DDX10: variants seen among roughly 807,000 people sequenced by gnomAD.
The protein encoded by DDX10 is probable ATP-dependent RNA helicase DDX10.
Under a neutral mutation model 104.3 loss-of-function variants are expected in DDX10, and 74 were observed. That is an observed-to-expected ratio of 0.71 (90% CI 0.59 to 0.86). DDX10 has a LOEUF of 0.86. DDX10 is among the 40% of genes least tolerant of loss of function. The probability of loss-of-function intolerance (pLI) is 0.00; values close to 1 mark genes in which losing one functional copy is unlikely to be tolerated. For missense variants in DDX10, 952 were observed against 1,040.0 expected (o/e 0.92, Z 1.16); for synonymous variants, 351 against 353.4 (o/e 0.99, Z 0.08).
Position 108,910,261 on chromosome 11 carries a change from T to C in DDX10, c.2305-7612T>C, listed in dbSNP as rs527250846. On this transcript the variant is annotated intron_variant, in intron 16 of 17. Coordinates refer to ENST00000322536, the MANE Select transcript of DDX10 (RefSeq NM_004398.4). ...TGATGAGATTTGAGATTCAGGGTGA[T>C]GTAGGAGAAAACCCCTTGTGTATGT... Among the ~76,000 whole-genome samples, 10 of 152,344 alleles carry C rather than the reference T, an allele frequency of 6.6e-5. No homozygotes were observed. The South Asian group carries it at 2.1e-3, about 32-fold the overall frequency.
At chr11:108,817,489 G>A (rs968902994) in intron 13 of DDX10, among the ~76,000 whole-genome samples, 1 of 151,828 alleles carries the variant, frequency 6.6e-6, no homozygotes, top group Non-Finnish European at 1.5e-5. Context: ...TTCTAAAATT[G>A]TTACCTTCTG....
rs568130506 is a variant in DDX10 at position 108,682,895 on chromosome 11, A to G, written c.848+3335A>G. 1.8e-4 allele frequency among the ~76,000 whole-genome samples: 28 copies of G among 151,644 alleles called. 1 individual carries two copies. In the South Asian group the frequency reaches 5.8e-3, roughly 32 times the overall value. On this transcript the variant is annotated intron_variant, in intron 6 of 17. Coordinates refer to ENST00000322536, the MANE Select transcript of DDX10 (RefSeq NM_004398.4). ...TCTTGGCAGTTTTTTTTTCCTCTTCAAAGACATCTTTGTTGTACTCTAAGT... is the reference window on the plus strand; with the variant it reads ...TCTTGGCAGTTTTTTTTTCCTCTTCGAAGACATCTTTGTTGTACTCTAAGT...
intron 1 of DDX10, among the ~76,000 whole-genome samples, chr11:108,670,013 A>C (rs1398420700): frequency 3.3e-5 from 5 of 152,212 alleles, no homozygotes; most frequent in Non-Finnish European, 5.9e-5. Context: ...CTCTAAGGTA[A>C]TATATTTGTG....
chr11:108,833,719 T>C (rs185802964), intron 13 of DDX10, among the ~76,000 whole-genome samples: 2 of 152,356 alleles, frequency 1.3e-5, no homozygotes, highest in East Asian at 3.9e-4. Context: ...GCTCTTCAAC[T>C]TGACCACCTC....
rs1369454674 is a variant in DDX10 at position 108,917,820 on chromosome 11, T to C, written c.2305-53T>C. ...ATTGGGGTCTGCAAATAAAACCTGA[T>C]TATTTATCAACTGACTTCTTCAACT... On this transcript the variant is annotated intron_variant, in intron 16 of 17. Coordinates refer to ENST00000322536, the MANE Select transcript of DDX10 (RefSeq NM_004398.4). 3 of 1,586,142 alleles carry C rather than the reference T, an allele frequency of 1.9e-6. No individual in the cohort carries two copies. In the African/African-American group the frequency reaches 4.1e-5, roughly 22 times the overall value.
At chr11:108,860,992 G>A (rs1241773642) in intron 16 of DDX10, 1 of 152,154 alleles carries the variant, frequency 6.6e-6, no homozygotes, top group Non-Finnish European at 1.5e-5. Context: ...ATACTACTGA[G>A]TGTCAACTTG....
chr11:108,670,391 C>T (rs950724297), intron 1 of DDX10, among the ~76,000 whole-genome samples: 2 of 152,142 alleles, frequency 1.3e-5, no homozygotes, highest in Non-Finnish European at 2.9e-5. Context: ...TAGGAAGAGT[C>T]TCAGACTGCA....
At chr11:108,861,924 G>A (rs978277637) in intron 16 of DDX10, among the ~76,000 whole-genome samples, 6 of 152,152 alleles carry the variant, frequency 3.9e-5, no homozygotes, top group Non-Finnish European at 8.8e-5. Flanking sequence ...TACTTGGGAA[G>A]GCTGAGGCAG....
In DDX10 at chr11:108,861,487, C is replaced by T. The variant is rs562954189; in HGVS notation, c.2304+9278C>T. On this transcript the variant is annotated intron_variant, in intron 16 of 17. Coordinates refer to ENST00000322536, the MANE Select transcript of DDX10 (RefSeq NM_004398.4). ...GTTATATATGAAGGAATTACTGCTACATCCAATAATGGGCAAATTTTGAAA... is the reference window on the plus strand; with the variant it reads ...GTTATATATGAAGGAATTACTGCTATATCCAATAATGGGCAAATTTTGAAA... 5.4e-4 allele frequency among the ~76,000 whole-genome samples: 82 copies of T among 152,306 alleles called. 1 individual carries two copies. The highest frequency in any genetic ancestry group is 1.9e-3 in the African/African-American group (78 of 41,564).
At chr11:108,796,236 C>T (rs953320660) in intron 13 of DDX10, among the ~76,000 whole-genome samples, 1 of 152,164 alleles carries the variant, frequency 6.6e-6, no homozygotes, top group Non-Finnish European at 1.5e-5. Context: ...GGAGAAAAGA[C>T]ATCAGTTTTA....
chr11:108,722,245 G>A (rs1004168267), intron 12 of DDX10, among the ~76,000 whole-genome samples: 1 of 152,110 alleles, frequency 6.6e-6, no homozygotes, highest in African/African-American at 2.4e-5. Context: ...AGAGCAGTGG[G>A]TCCATGTTAT....
chr11:108,831,319 G>A (rs369890822), intron 13 of DDX10, among the ~76,000 whole-genome samples: 5 of 149,130 alleles, frequency 3.4e-5, no homozygotes, highest in African/African-American at 9.9e-5. Flanking sequence ...CAGGAGAATC[G>A]CTTGAACCCA....
rs1864055337 is a variant in DDX10 at position 108,937,797 on chromosome 11, A to T, written c.2451-2449A>T. On this transcript the variant is annotated intron_variant, in intron 17 of 17. Transcript: ENST00000322536. ...TAGCCCTACTTCTGATTTTTATAGT[A>T]GTAGTAGGCCTTTTGGTGTGCTGAG... 2.0e-5 allele frequency among the ~76,000 whole-genome samples: 3 copies of T among 152,172 alleles called. No homozygotes were observed. The South Asian group carries it at 6.2e-4, about 32-fold the overall frequency.
intron 13 of DDX10, among the ~76,000 whole-genome samples, chr11:108,826,396 A>G (rs1268617439): frequency 1.3e-5 from 2 of 152,188 alleles, no homozygotes; most frequent in Non-Finnish European, 2.9e-5. Context: ...TATTATACTA[A>G]CATTCACAAA....
chr11:108,877,534 G>A (rs1220253545), intron 16 of DDX10, among the ~76,000 whole-genome samples: 2 of 152,134 alleles, frequency 1.3e-5, no homozygotes, highest in African/African-American at 4.8e-5. Flanking sequence ...TAAAATATTT[G>A]TACAAATCAA....
At chr11:108,896,883 G>A (rs774139367) in intron 16 of DDX10, among the ~76,000 whole-genome samples, 7 of 151,276 alleles carry the variant, frequency 4.6e-5, no homozygotes, top group Non-Finnish European at 1.0e-4. Flanking sequence ...AAAAATCCCT[G>A]TAGAGAAATA....
intron 17 of DDX10, among the ~76,000 whole-genome samples, chr11:108,931,896 C>G (rs867175965): frequency 1.3e-5 from 2 of 150,638 alleles, no homozygotes; most frequent in African/African-American, 2.5e-5. Context: ...CTTTACCAGT[C>G]AAATAACCCT....
intron 13 of DDX10, among the ~76,000 whole-genome samples, chr11:108,744,256 G>A (rs2094328750): frequency 6.6e-6 from 1 of 152,126 alleles, no homozygotes; most frequent in African/African-American, 2.4e-5. Flanking sequence ...CATATATTGA[G>A]TTGCATACAT....
intron 13 of DDX10, among the ~76,000 whole-genome samples, chr11:108,770,757 T>C (rs7944368): frequency 1.3e-5 from 2 of 151,982 alleles, no homozygotes; most frequent in African/African-American, 2.4e-5. Flanking sequence ...TTTTTTTTTT[T>C]AATCCATTCA....
Sources: gnomAD v4.1 joint callset for allele counts (sites outside exome capture counted in the v4.1 genomes callset) on GRCh38, gnomAD v4.1.1 for gene constraint, MANE v1.5 for transcripts, NCBI Gene and HGNC (gene_info 2026-07-23, HGNC 2026-07-21) for gene names.